ABCC1: variants seen among roughly 807,000 people sequenced by gnomAD.
The protein encoded by ABCC1 is multidrug resistance-associated protein 1.
In ABCC1, 83 loss-of-function variants were observed where a neutral mutation model predicts 172.9. The ratio of observed to expected loss-of-function variants is 0.48; its 90% CI spans 0.40 to 0.58. ABCC1 has a LOEUF of 0.58. Ranked by LOEUF, ABCC1 falls within the 20% of genes least tolerant of loss-of-function variation. The pLI is 0.00. For synonymous variants in ABCC1, 937 were observed against 825.2 expected (o/e 1.14, Z -2.32); for missense variants, 1,817 against 2,002.7 (o/e 0.91, Z 1.77).
At chr16:16,009,502 G>C (rs1025793715) in intron 2 of ABCC1, among the ~76,000 whole-genome samples, 5 of 152,162 alleles carry the variant, frequency 3.3e-5, no homozygotes, top group African/African-American at 1.2e-4. Flanking sequence ...TGAGTGTTCA[G>C]GCACCGGGGA....
chr16:16,086,806 G>C lies in ABCC1; in HGVS notation c.2293-18G>C, dbSNP rs1462670320. On this transcript the variant is annotated intron_variant, in intron 17 of 30. Coordinates refer to ENST00000399410, the MANE Select transcript of ABCC1 (RefSeq NM_004996.4). ...AAGATTTCCCAGGAAACCCACTCCT[G>C]TGTGTGTCTCTCCCCAGGGCGTGAA... is the stretch of plus-strand genomic sequence containing the variant. The C allele has an allele frequency of 6.2e-7, 1 of 1,612,182 alleles. No individual in the cohort carries two copies. The highest frequency in any genetic ancestry group is 1.3e-5 in the African/African-American group (1 of 75,010).
At chr16:16,074,947 CTTTT>C (rs71137910) in intron 14 of ABCC1, among the ~76,000 whole-genome samples, 20 of 129,178 alleles carry the variant, frequency 1.5e-4, no homozygotes, top group East Asian at 2.2e-4. Flanking sequence ...TTTTCTTTTT[CTTTT>C]TTTTTTTTTT....
At chr16:16,112,069 T>C (rs1046009167) in intron 22 of ABCC1, among the ~76,000 whole-genome samples, 3 of 152,178 alleles carry the variant, frequency 2.0e-5, no homozygotes, top group Non-Finnish European at 4.4e-5. Flanking sequence ...AACCCTGCTG[T>C]TGGCCAGGCA....
At chr16:16,088,309 G>A (rs942352239) in intron 18 of ABCC1, among the ~76,000 whole-genome samples, 8 of 152,110 alleles carry the variant, frequency 5.3e-5, no homozygotes, top group African/African-American at 1.4e-4. Context: ...GCCGAGTGTG[G>A]TGATGCATGG....
In ABCC1 at chr16:16,056,267, C is replaced by G; in HGVS notation, c.1649C>G (p.Thr550Ser). ...TCTGCCTACCTGTCAGCCGTGGGCA[C>G]CTTCACCTGGGTCTGCACGCCCTTT... ...KKSAYLSAVG[T>S]FTWVCTPFLV... Residue 550 changes from threonine (T) to serine (S), a missense_variant, in exon 12 of 31, where the codon ACC (threonine) becomes AGC (serine). Physicochemically the swap from Thr to Ser is moderately conservative, Grantham distance 58. This residue lies in a region of ABCC1 where 1,412 missense variants were observed against 1,600.3 expected (regional missense o/e 0.88). Coordinates refer to ENST00000399410, the MANE Select transcript of ABCC1 (RefSeq NM_004996.4). The G allele has an allele frequency of 1.2e-6, 2 of 1,614,250 alleles. No individual in the cohort carries two copies. Among genetic ancestry groups the G allele is most frequent in the Non-Finnish European group, 1.7e-6 (2 of 1,180,042 alleles).
intron 19 of ABCC1, among the ~76,000 whole-genome samples, chr16:16,102,066 T>C (rs2152056599): frequency 6.6e-6 from 1 of 152,304 alleles, no homozygotes; most frequent in Admixed American, 6.5e-5. Flanking sequence ...AAACAGCCAC[T>C]GCCCCAGGTA....
At chr16:16,035,616 G>A (rs918497277) in intron 6 of ABCC1, among the ~76,000 whole-genome samples, 4 of 150,824 alleles carry the variant, frequency 2.7e-5, no homozygotes, top group African/African-American at 9.7e-5. Flanking sequence ...TCAGCCTCCC[G>A]AGTAGCTGGG....
chr16:16,129,877 T>G (rs762370593), intron 26 of ABCC1, among the ~76,000 whole-genome samples: 4 of 152,202 alleles, frequency 2.6e-5, no homozygotes, highest in Non-Finnish European at 5.9e-5. Flanking sequence ...GGGCTGCATG[T>G]CTTGCCTAAA....
At chr16:16,064,716 C>T (rs2050050117) in intron 12 of ABCC1, among the ~76,000 whole-genome samples, 1 of 152,244 alleles carries the variant, frequency 6.6e-6, no homozygotes, top group African/African-American at 2.4e-5. Context: ...CATTTATCCA[C>T]TCCCACCCAT....
intron 5 of ABCC1, among the ~76,000 whole-genome samples, chr16:16,021,120 A>G (rs1447201410): frequency 6.6e-6 from 1 of 152,068 alleles, no homozygotes; most frequent in East Asian, 1.9e-4. Context: ...TTGTTGTGTT[A>G]TATGGGGAGG....
At chr16:15,995,957 G>A (rs1381029670) in intron 1 of ABCC1, among the ~76,000 whole-genome samples, 2 of 145,310 alleles carry the variant, frequency 1.4e-5, no homozygotes, top group Non-Finnish European at 3.0e-5. Context: ...TTACAGGTGT[G>A]TACCACCACG....
chr16:16,063,806 G>T (rs888292668), intron 12 of ABCC1, among the ~76,000 whole-genome samples: 1 of 152,174 alleles, frequency 6.6e-6, no homozygotes, highest in African/African-American at 2.4e-5. Context: ...TGTGAACAGA[G>T]AGTCTTACTC....
At chr16:16,032,434 C>T (rs2048590439) in intron 5 of ABCC1, among the ~76,000 whole-genome samples, 1 of 152,154 alleles carries the variant, frequency 6.6e-6, no homozygotes, top group Non-Finnish European at 1.5e-5. Flanking sequence ...TGCAGTAGAC[C>T]ACAAGCTCCA....
chr16:16,095,896 TTAAG>T (rs1271439778), intron 19 of ABCC1, among the ~76,000 whole-genome samples: 1 of 152,020 alleles, frequency 6.6e-6, no homozygotes, highest in Non-Finnish European at 1.5e-5. Flanking sequence ...TTTTTCCCTC[TTAAG>T]TATTTACCGA....
chr16:16,105,395 T>C (rs927028605), intron 20 of ABCC1: 1 of 152,218 alleles, frequency 6.6e-6, no homozygotes, highest in Non-Finnish European at 1.5e-5. Context: ...CACTCTTGCT[T>C]TCAGATTTGA....
At chr16:15,952,075 G>A (rs2045887020) in intron 1 of ABCC1, among the ~76,000 whole-genome samples, 1 of 152,200 alleles carries the variant, frequency 6.6e-6, no homozygotes, top group Non-Finnish European at 1.5e-5. Flanking sequence ...CCTTGAGCAA[G>A]CCACTTTCCC....
intron 22 of ABCC1, among the ~76,000 whole-genome samples, chr16:16,113,924 A>G (rs1220634854): frequency 6.6e-6 from 1 of 152,140 alleles, no homozygotes; most frequent in Non-Finnish European, 1.5e-5. Flanking sequence ...TAGGGTTCGC[A>G]CTGCTAGGAG....
At chr16:16,093,979 C>CTTTTTTTTT (rs578261751) in intron 19 of ABCC1, among the ~76,000 whole-genome samples, 50 of 106,542 alleles carry the variant, frequency 4.7e-4, no homozygotes, top group African/African-American at 6.3e-4. Flanking sequence ...TCCCTCTCTC[C>CTTTTTTTTT]TTTTTTTTTT....
chr16:16,113,287 A>T (rs968420740), intron 22 of ABCC1, among the ~76,000 whole-genome samples: 1 of 152,198 alleles, frequency 6.6e-6, no homozygotes, highest in African/African-American at 2.4e-5. Context: ...ACACAGCAAC[A>T]ACGTCTGTTC....
Sources: allele counts gnomAD v4.1 joint callset (sites outside exome capture counted in the v4.1 genomes callset), GRCh38; gene constraint gnomAD v4.1.1; regional missense constraint gnomAD v4.1.1; transcripts MANE v1.5; gene names NCBI Gene and HGNC (gene_info 2026-07-23, HGNC 2026-07-21).